ZNF385D: variants seen among roughly 807,000 people sequenced by gnomAD.
ZNF385D encodes zinc finger protein 659.
A neutral mutation model predicts 35.8 loss-of-function variants in ZNF385D; 15 were observed. That is an observed-to-expected ratio of 0.42 (90% CI 0.28 to 0.64). ZNF385D has a LOEUF of 0.64. ZNF385D is among the 30% of genes least tolerant of loss of function. The probability of loss-of-function intolerance (pLI) is 0.23; values close to 1 mark genes in which losing one functional copy is unlikely to be tolerated. For synonymous variants in ZNF385D, 212 were observed against 186.8 expected, an observed-to-expected ratio of 1.13 and a Z score of -1.10; for missense variants, 474 against 494.6, an observed-to-expected ratio of 0.96 and a Z score of 0.39.
At chr3:21,665,830 A>G (rs1177406976) in intron 1 of ZNF385D, among the ~76,000 whole-genome samples, 1 of 152,208 alleles carries the variant, frequency 6.6e-6, no homozygotes, top group African/African-American at 2.4e-5. Flanking sequence ...ATGGAAGCCC[A>G]TCTTTAGTGT....
At position 22,050,198 on chromosome 3, in the gene ZNF385D, T is replaced by TA. The variant is rs1169509467; in HGVS notation, c.325+118618dup. Among the ~76,000 whole-genome samples the TA allele has an allele frequency of 5.8e-3, 804 of 139,168 alleles. 4 individuals are homozygous for TA. The highest frequency in any genetic ancestry group is 0.022 in the Middle Eastern group (6 of 278). 91.3% of individuals were successfully genotyped at this position (139,168 alleles called of 152,430 possible). The stretch of plus-strand genomic sequence containing the variant: ...CTGGGCAAAAAAGGAAGATTGGGTT[T>TA]AAAAAAAAAAAAAAGCAGCTCTCTG... On this transcript the variant is annotated intron_variant, in intron 3 of 5. Transcript: ENST00000494108.
chr3:21,972,492 T>G (rs1703325032), intron 3 of ZNF385D, among the ~76,000 whole-genome samples: 1 of 151,896 alleles, frequency 6.6e-6, no homozygotes, highest in South Asian at 2.1e-4. Context: ...TGTTAAAACT[T>G]CAAATAAACA....
At chr3:21,840,499 A>G (rs1695597193) in intron 3 of ZNF385D, among the ~76,000 whole-genome samples, 1 of 152,044 alleles carries the variant, frequency 6.6e-6, no homozygotes, top group Non-Finnish European at 1.5e-5. Flanking sequence ...TTTAGCAAAC[A>G]CAAGAATAAC....
chr3:22,240,553 A>T lies in ZNF385D; in HGVS notation c.107-71518T>A, dbSNP rs896626317. Among the ~76,000 whole-genome samples the T allele has an allele frequency of 1.3e-5, 2 of 151,040 alleles. 1 individual carries two copies. The highest frequency in any genetic ancestry group is 6.8e-3 in the Middle Eastern group (2 of 292). ...TTTCAGATCTGTGCTTCCCCACAGCATTACCTTGAGCCCTGCTTCATGGAC... is the reference window on the plus strand; with the variant it reads ...TTTCAGATCTGTGCTTCCCCACAGCTTTACCTTGAGCCCTGCTTCATGGAC... On this transcript the variant is annotated intron_variant, in intron 2 of 5. Transcript: ENST00000494108.
chr3:21,872,868 T>C (rs1367772296), intron 3 of ZNF385D, among the ~76,000 whole-genome samples: 1 of 152,148 alleles, frequency 6.6e-6, no homozygotes, highest in Non-Finnish European at 1.5e-5. Context: ...CAGTTGATAA[T>C]GTTACCATTA....
chr3:21,800,783 ATTCC>A (rs1431142394), intron 3 of ZNF385D, among the ~76,000 whole-genome samples: 1 of 151,834 alleles, frequency 6.6e-6, no homozygotes, highest in Admixed American at 6.6e-5. Context: ...TTTTTTGTGG[ATTCC>A]TTAAGATTTT....
intron 3 of ZNF385D, among the ~76,000 whole-genome samples, chr3:21,952,219 T>C (rs1702099342): frequency 6.6e-6 from 1 of 152,030 alleles, no homozygotes; most frequent in African/African-American, 2.4e-5. Flanking sequence ...AGTAGGATAC[T>C]CTGATTTTTC....
intron 1 of ZNF385D, among the ~76,000 whole-genome samples, chr3:21,706,391 A>G (rs1469123960): frequency 3.3e-5 from 5 of 152,190 alleles, no homozygotes; most frequent in African/African-American, 9.6e-5. Context: ...GAAGAACCAT[A>G]TATTTCTCCA....
chr3:22,272,503 T>G (rs1441905089), intron 2 of ZNF385D, among the ~76,000 whole-genome samples: 1 of 152,032 alleles, frequency 6.6e-6, no homozygotes, highest in Non-Finnish European at 1.5e-5. Context: ...CCTGCAGAAG[T>G]GCATTCACTG....
At chr3:22,366,449 ATAAT>A (rs1409257224) in intron 2 of ZNF385D, among the ~76,000 whole-genome samples, 2 of 152,190 alleles carry the variant, frequency 1.3e-5, no homozygotes, top group Non-Finnish European at 2.9e-5. Context: ...AGAGCAGAAA[ATAAT>A]TGATTGCCCT....
At chr3:21,948,993 A>C (rs900731561) in intron 3 of ZNF385D, among the ~76,000 whole-genome samples, 3 of 152,140 alleles carry the variant, frequency 2.0e-5, no homozygotes, top group Non-Finnish European at 4.4e-5. Flanking sequence ...TGGGTTTTGC[A>C]GTATTTCATG....
chr3:22,263,574 A>G (rs183097885), intron 2 of ZNF385D, among the ~76,000 whole-genome samples: 1 of 152,128 alleles, frequency 6.6e-6, no homozygotes, highest in East Asian at 1.9e-4. Flanking sequence ...GAGTCCTACA[A>G]GGGCAAAAGT....
chr3:22,281,530 T>C (rs1701740394), intron 2 of ZNF385D, among the ~76,000 whole-genome samples: 1 of 152,128 alleles, frequency 6.6e-6, no homozygotes, highest in Admixed American at 6.6e-5. Flanking sequence ...TTACGTGGTA[T>C]ATCACATTTA....
chr3:21,518,836 C>T (rs1707738999), intron 3 of ZNF385D, among the ~76,000 whole-genome samples: 1 of 151,996 alleles, frequency 6.6e-6, no homozygotes, highest in Non-Finnish European at 1.5e-5. Context: ...ACAAATTATG[C>T]AATGCAAGAA....
intron 3 of ZNF385D, among the ~76,000 whole-genome samples, chr3:21,760,508 T>C (rs76579253): frequency 6.6e-6 from 1 of 152,184 alleles, no homozygotes; most frequent in African/African-American, 2.4e-5. Context: ...GCTACTTATA[T>C]GAAGGTAACC....
chr3:21,980,665 GC>G (rs1469030041), intron 3 of ZNF385D, among the ~76,000 whole-genome samples: 1 of 152,050 alleles, frequency 6.6e-6, no homozygotes, highest in African/African-American at 2.4e-5. Flanking sequence ...TCGTCATCCA[GC>G]TATTAAGCCC....
chr3:21,715,397 T>G (rs1559545806), intron 1 of ZNF385D, among the ~76,000 whole-genome samples: 1 of 152,118 alleles, frequency 6.6e-6, no homozygotes. Context: ...TGACCTCCAG[T>G]TCCATCCAAG....
chr3:21,767,630 T>G, intron 3 of ZNF385D, among the ~76,000 whole-genome samples: 1 of 151,634 alleles, frequency 6.6e-6, no homozygotes, highest in African/African-American at 2.4e-5. Context: ...GATGAGTGGG[T>G]GGATGGATGA....
In ZNF385D at chr3:21,909,434, G is replaced by T. The variant is rs113690164; in HGVS notation, c.326-244406C>A. Among the ~76,000 whole-genome samples the T allele has an allele frequency of 4.9e-3, 751 of 152,202 alleles. 6 individuals are homozygous for T. The highest frequency in any genetic ancestry group is 0.014 in the Middle Eastern group (4 of 294). ...AAATATGACTGATAATAACATCAGAGAAGCCTGTTCTCTCAGCTTATGTGC... is the reference window on the plus strand; with the variant it reads ...AAATATGACTGATAATAACATCAGATAAGCCTGTTCTCTCAGCTTATGTGC... On this transcript the variant is annotated intron_variant, in intron 3 of 5. Transcript: ENST00000494108.
Sources: allele counts gnomAD v4.1 joint callset (sites outside exome capture counted in the v4.1 genomes callset), GRCh38; gene constraint gnomAD v4.1.1; transcripts MANE v1.5; gene names NCBI Gene and HGNC (gene_info 2026-07-23, HGNC 2026-07-21).